Variants in FMOD observed in about 807,000 individuals in gnomAD.
The protein encoded by FMOD is fibromodulin, also known as KSPG fibromodulin.
FMOD carries 15 observed loss-of-function variants against 27.0 expected under a neutral mutation model. The ratio of observed to expected loss-of-function variants is 0.55; its 90% CI spans 0.37 to 0.85. The LOEUF is 0.85. Ranked by LOEUF, FMOD falls within the 40% of genes least tolerant of loss-of-function variation. The probability of loss-of-function intolerance (pLI) is 0.00; values close to 1 mark genes in which losing one functional copy is unlikely to be tolerated. For synonymous variants in FMOD, 210 were observed against 214.0 expected, an observed-to-expected ratio of 0.98 and a Z score of 0.16; for missense variants, 460 against 483.2, an observed-to-expected ratio of 0.95 and a Z score of 0.45.
In FMOD at chr1:203,347,395, G is replaced by A; in HGVS notation, c.876C>T (p.Ser292=). 6.2e-7 allele frequency: 1 copy of A among 1,614,212 alleles called. No homozygotes were observed. Among genetic ancestry groups the A allele is most frequent in the Non-Finnish European group, 8.5e-7 (1 of 1,180,034 alleles). Residue 292 remains serine, a synonymous_variant, in exon 2 of 3, where the codon TCC becomes TCT. Coordinates refer to ENST00000354955, the MANE Select transcript of FMOD (RefSeq NM_002023.5). The part of the protein sequence containing the change: ...NNGLASNTFN[S]SSLLELDLSY... ...AGAGGTCTAGCTCAAGGAGGCTGCT[G>A]GAATTGAAGGTGTTGGAGGCCAGGC...
At chr1:203,343,981 G>A (rs748835058) in intron 2 of FMOD, among the ~76,000 whole-genome samples, 21 of 152,214 alleles carry the variant, frequency 1.4e-4, no homozygotes, top group Non-Finnish European at 2.6e-4. Context: ...ATTAGACACT[G>A]AGAAAAGTAG....
At chr1:203,347,142 T>A in intron 2 of FMOD, 150 bp downstream of exon 2, 2 of 840,368 alleles carry the variant, frequency 2.4e-6, no homozygotes, top group Non-Finnish European at 3.7e-6. Flanking sequence ...TTCTCTTTTG[T>A]ACAGGGGTAT....
At chr1:203,344,396 C>G (rs1180402570) in intron 2 of FMOD, among the ~76,000 whole-genome samples, 1 of 152,026 alleles carries the variant, frequency 6.6e-6, no homozygotes, top group Non-Finnish European at 1.5e-5. Context: ...ACTGTGAGCA[C>G]CCCCCCGTCT....
intron 2 of FMOD, among the ~76,000 whole-genome samples, chr1:203,345,722 C>A (rs1030403880): frequency 6.6e-6 from 1 of 152,106 alleles, no homozygotes; most frequent in Non-Finnish European, 1.5e-5. Context: ...CACGGTGAAA[C>A]CCCGTCTCTA....
chr1:203,347,070 T>G (rs1261651730), intron 2 of FMOD, among the ~76,000 whole-genome samples: 1 of 152,196 alleles, frequency 6.6e-6, no homozygotes, highest in Admixed American at 6.5e-5. Context: ...CTGGAAAGTC[T>G]TCTTCTGTAC....
Position 203,349,276 on chromosome 1 carries a change from A to C in FMOD, c.-7-999T>G, listed in dbSNP as rs369526958. On this transcript the variant is annotated intron_variant, in intron 1 of 2. Coordinates refer to ENST00000354955, the MANE Select transcript of FMOD (RefSeq NM_002023.5). The stretch of plus-strand genomic sequence containing the variant: ...TGTATGCTCAAGGGAAAGCAGCTTG[A>C]GGTAGGACCCTGACATTCTCCTCTC... Among the ~76,000 whole-genome samples the C allele has an allele frequency of 2.8e-4, 43 of 152,340 alleles. No homozygotes were observed. In the South Asian group the frequency reaches 4.8e-3, roughly 17 times the overall value.
chr1:203,342,764 C>A (rs568057738), intron 2 of FMOD, among the ~76,000 whole-genome samples: 20 of 147,454 alleles, frequency 1.4e-4, no homozygotes, highest in Admixed American at 1.2e-3. Flanking sequence ...CTTAAGCGTC[C>A]TTCCCTCTGG....
At position 203,341,586 on chromosome 1, in the gene FMOD, T is replaced by C. The variant is rs567409508; in HGVS notation, c.*757A>G. The C allele has an allele frequency of 6.6e-6, 1 of 152,310 alleles. No homozygotes were observed. The highest frequency in any genetic ancestry group is 2.4e-5 in the African/African-American group (1 of 41,566). The allele number at this position is 152,310 out of a possible 1,614,324, so 9.4% of individuals were successfully genotyped here. A position where few individuals can be genotyped will look rare whatever the true frequency, so the allele number is the denominator to read the frequency against. ...AAAGAGCTACCCAGCTGCCAAAATA[T>C]AGCCCTATACATTGATCTAAGCCTG... is the stretch of plus-strand genomic sequence containing the variant. On this transcript the variant is annotated 3_prime_UTR_variant, in exon 3 of 3. Transcript: ENST00000354955.
At chr1:203,345,687 A>G (rs145204405) in intron 2 of FMOD, among the ~76,000 whole-genome samples, 1,829 of 152,314 alleles carry the variant, frequency 0.012, 36 homozygotes, top group African/African-American at 0.041. Flanking sequence ...TCACGAGGTC[A>G]GGAGATCAAG....
chr1:203,345,770 C>A (rs917024489), intron 2 of FMOD, among the ~76,000 whole-genome samples: 10 of 151,950 alleles, frequency 6.6e-5, no homozygotes, highest in African/African-American at 2.4e-4. Flanking sequence ...TGGTGGCAGG[C>A]GCCTGTAGTC....
At position 203,347,949 on chromosome 1, in the gene FMOD, T is replaced by C; in HGVS notation, c.322A>G (p.Lys108Glu). ...TGGTTGTTCTGGAAGTACACATACTTCATGCGGGAGGGAACGAAGGGCAGG... is the reference window on the plus strand; with the variant it reads ...TGGTTGTTCTGGAAGTACACATACTCCATGCGGGAGGGAACGAAGGGCAGG... ...KYLPFVPSRM[K>E]YVYFQNNQIT... Residue 108 changes from lysine to glutamate, a missense_variant, in exon 2 of 3, where the codon AAG (lysine) becomes GAG (glutamate). Transcript: ENST00000354955. 6.2e-7 allele frequency: 1 copy of C among 1,608,986 alleles called. No individual in the cohort carries two copies. Among genetic ancestry groups the C allele is most frequent in the Non-Finnish European group, 8.5e-7 (1 of 1,176,046 alleles).
At chr1:203,347,153 G>A (rs1658902823) in intron 2 of FMOD, 139 bp downstream of exon 2, 3 of 930,082 alleles carry the variant, frequency 3.2e-6, no homozygotes, top group South Asian at 1.7e-5. Flanking sequence ...ACAGGGGTAT[G>A]GCTTGGTTGT....
At chr1:203,348,779 G>A (rs553083983) in intron 1 of FMOD, among the ~76,000 whole-genome samples, 12 of 152,334 alleles carry the variant, frequency 7.9e-5, no homozygotes, top group East Asian at 1.9e-4. Context: ...TCCAGAAGCC[G>A]CTTGACGCAT....
intron 2 of FMOD, among the ~76,000 whole-genome samples, chr1:203,346,750 G>T (rs950449262): frequency 4.6e-5 from 7 of 152,110 alleles, no homozygotes; most frequent in Admixed American, 1.3e-4. Flanking sequence ...TCCTCTTCTG[G>T]GACAGTGAGT....
At chr1:203,345,653 C>G (rs553577813) in intron 2 of FMOD, among the ~76,000 whole-genome samples, 7 of 152,312 alleles carry the variant, frequency 4.6e-5, no homozygotes, top group Non-Finnish European at 8.8e-5. Context: ...AATCCCAGCA[C>G]TTTGGGAGGC....
chr1:203,346,154 A>G (rs1658884115), intron 2 of FMOD, among the ~76,000 whole-genome samples: 1 of 151,944 alleles, frequency 6.6e-6, no homozygotes, highest in Non-Finnish European at 1.5e-5. Flanking sequence ...TCAATGACTG[A>G]TCTGTTCCCT....
Position 203,342,254 on chromosome 1 carries a change from C to A in FMOD, c.*89G>T, listed in dbSNP as rs569527061. 4 of 1,479,824 alleles carry A rather than the reference C, an allele frequency of 2.7e-6. No individual in the cohort carries two copies. In the African/African-American group the frequency reaches 5.6e-5, roughly 21 times the overall value. The allele number at this position is 1,479,824 out of a possible 1,614,324, so 91.7% of individuals were successfully genotyped here. On this transcript the variant is annotated 3_prime_UTR_variant, in exon 3 of 3. Transcript: ENST00000354955. ...TGCCCGTGGACTTCTGTCACATGGT[C>A]CATCCTGGACCTTCCAGCAAAAGCC...
chr1:203,349,891 G>T (rs1658961885), intron 1 of FMOD, among the ~76,000 whole-genome samples: 1 of 152,204 alleles, frequency 6.6e-6, no homozygotes, highest in Admixed American at 6.5e-5. Flanking sequence ...GCAGCCTCAG[G>T]CCTCAGACAA....
In FMOD at chr1:203,347,828, C is replaced by A; in HGVS notation, c.443G>T (p.Arg148Met). 6.2e-7 allele frequency: 1 copy of A among 1,614,088 alleles called. No homozygotes were observed. The highest frequency in any genetic ancestry group is 8.5e-7 in the Non-Finnish European group (1 of 1,180,036). ...GTGCCTCAGCTTGGAGAAGACCTTC[C>A]TGCCCACCTTATCACTGGTGATCTG... ...GNQITSDKVG[R>M]KVFSKLRHLE... The change falls in exon 2 of 3, where the codon AGG becomes ATG. Residue 148 changes from arginine to methionine, a missense_variant. Transcript: ENST00000354955.
Sources: gnomAD v4.1 joint callset for allele counts (sites outside exome capture counted in the v4.1 genomes callset) on GRCh38, gnomAD v4.1.1 for gene constraint, MANE v1.5 for transcripts, NCBI Gene and HGNC (gene_info 2026-07-23, HGNC 2026-07-21) for gene names.